The following HDAC6 variants were observed in gnomAD, a reference collection of about 807,000 sequenced individuals.
HDAC6 encodes histone deacetylase 6, also known as protein deacetylase HDAC6.
Under a neutral mutation model 88.9 loss-of-function variants are expected in HDAC6, and 5 were observed. That is an observed-to-expected ratio of 0.06 (90% CI 0.03 to 0.12). The LOEUF (loss-of-function observed/expected upper bound fraction) is 0.12, where lower values mean the gene tolerates loss of function less well. HDAC6 is among the 10% of genes least tolerant of loss of function. The pLI, the probability that HDAC6 is intolerant of heterozygous loss-of-function variation, is 1.00. For synonymous variants in HDAC6, 378 were observed against 398.0 expected, an observed-to-expected ratio of 0.95 and a Z score of 0.60; for missense variants, 706 against 1,014.4, an observed-to-expected ratio of 0.70 and a Z score of 4.13.
rs782302395 is a variant in HDAC6, at chrX:48,816,068, G to A, written c.1493+16G>A. Reference sequence around the variant, plus strand: ...TGTGGGACAGGTAGGCATTTGGAGGGCTGGATGAGTAGGTGTTGGGGGTCC... The same window carrying A: ...TGTGGGACAGGTAGGCATTTGGAGGACTGGATGAGTAGGTGTTGGGGGTCC... On this transcript the variant is annotated intron_variant, in intron 17 of 28. Coordinates refer to ENST00000334136, the MANE Select transcript of HDAC6 (RefSeq NM_006044.4). The A allele has an allele frequency of 8.3e-7, 1 of 1,210,710 alleles. No homozygotes were observed.
intron 23 of HDAC6, among the ~76,000 whole-genome samples, chrX:48,821,491 CTTTTTTTTTTTTT>C (rs869154128): frequency 1.3e-5 from 1 of 77,514 alleles, no homozygotes; most frequent in Non-Finnish European, 2.5e-5. Context: ...ATACCTGCCT[CTTTTTTTTTTTTT>C]TTTTTTTTTT....
At position 48,822,949 on chromosome X, in the gene HDAC6, G is replaced by A. The variant is rs1248574902; in HGVS notation, c.2550G>A (p.Leu850=). ...EDREGPSSSK[L]VTKKAPQPAK... ...GAGAAGGACCCTCCAGTTCTAAGTT[G>A]GTCACCAAGAAGGCACCCCAACCAG... The change falls in exon 25 of 29, where the codon TTG becomes TTA. Residue 850 remains leucine (L), a synonymous_variant. Transcript: ENST00000334136. The A allele has an allele frequency of 8.3e-7, 1 of 1,200,112 alleles. No individual in the cohort carries two copies. Among genetic ancestry groups the A allele is most frequent in the Non-Finnish European group, 1.1e-6 (1 of 890,027 alleles).
Position 48,816,703 on chromosome X carries a change from T to A in HDAC6, c.1791+70T>A. ...GAAAAAGAGAGCCATCTGCTGTTTC[T>A]GGAGGCTCTGAGAGAGTCAAGCAGG... On this transcript the variant is annotated intron_variant, in intron 19 of 28. Transcript: ENST00000334136. 5 of 929,975 alleles carry A rather than the reference T, an allele frequency of 5.4e-6. No individual in the cohort carries two copies. In the South Asian group the frequency reaches 1.3e-4, roughly 24 times the overall value. The allele number at this position is 929,975 out of a possible 1,213,427, so 76.6% of individuals were successfully genotyped here.
At position 48,824,313 on chromosome X, in the gene HDAC6, C is replaced by T. The variant is rs1557031634; in HGVS notation, c.3579+19C>T. On this transcript the variant is annotated intron_variant, in intron 28 of 28. Coordinates refer to ENST00000334136, the MANE Select transcript of HDAC6 (RefSeq NM_006044.4). Reference sequence around the variant, plus strand: ...CCACCAGGTGGGCCCTGGGTAGACCCTTCGACACGTGCACACTCACCCCCC... The same window carrying T: ...CCACCAGGTGGGCCCTGGGTAGACCTTTCGACACGTGCACACTCACCCCCC... 1 of 1,201,024 alleles carries T rather than the reference C, an allele frequency of 8.3e-7. No homozygotes were observed. The highest frequency in any genetic ancestry group is 2.2e-5 in the Admixed American group (1 of 45,418).
chrX:48,813,645 C>T (rs1285700442), intron 10 of HDAC6: 1 of 112,264 alleles, frequency 8.9e-6, no homozygotes, highest in African/African-American at 3.2e-5. Context: ...GGCTTTCTGT[C>T]AAAACACGTG....
At chrX:48,803,932 G>T (rs782763955) in intron 4 of HDAC6, among the ~76,000 whole-genome samples, 47 of 112,478 alleles carry the variant, frequency 4.2e-4, no homozygotes, top group Middle Eastern at 4.6e-3. Flanking sequence ...GGGGGCCAAG[G>T]CAGGTGGATC....
chrX:48,823,456 C>G lies in HDAC6; in HGVS notation c.3057C>G (p.Ile1019Met). ...SEEAPGGTEL[I>M]QTPLASSTDH... ...AGGCTCCAGGGGGCACCGAGCTGAT[C>G]CAAACTCCTCTAGCCTCGAGCACAG... The change falls in exon 25 of 29, where the codon ATC (isoleucine) becomes ATG (methionine). Residue 1019 changes from isoleucine (I) to methionine (M), a missense_variant. Transcript: ENST00000334136. The G allele has an allele frequency of 8.3e-6, 10 of 1,211,025 alleles. No homozygotes were observed. The highest frequency in any genetic ancestry group is 1.1e-5 in the Non-Finnish European group (10 of 895,070).
At chrX:48,824,330 TCACCCCCCACACA>T in intron 28 of HDAC6, 36 bp downstream of exon 28, 1 of 1,192,147 alleles carries the variant, frequency 8.4e-7, no homozygotes, top group South Asian at 1.9e-5. Context: ...ACGTGCACAC[TCACCCCCCACACA>T]CACACCCCTT....
At chrX:48,805,130 C>T (rs1043916535) in intron 4 of HDAC6, among the ~76,000 whole-genome samples, 2 of 111,304 alleles carry the variant, frequency 1.8e-5, no homozygotes, top group Non-Finnish European at 3.8e-5. Flanking sequence ...ATGGGAGCCT[C>T]GAAGGGACAT....
chrX:48,816,173 G>A lies in HDAC6; in HGVS notation c.1526G>A (p.Arg509Gln), dbSNP rs782264394. ...HHPEVPQRIL[R>Q]IMCRLEELGL... Reference sequence around the variant, plus strand: ...CCTGAGGTACCCCAGCGCATCTTGCGGATCATGTGCCGTCTGGAGGAGCTG... The same window carrying A: ...CCTGAGGTACCCCAGCGCATCTTGCAGATCATGTGCCGTCTGGAGGAGCTG... The change falls in exon 18 of 29, where the codon CGG (arginine) becomes CAG (glutamine). Residue 509 changes from arginine (R) to glutamine (Q), a missense_variant. Arg to Gln is a conservative substitution (Grantham distance 43). Coordinates refer to ENST00000334136, the MANE Select transcript of HDAC6 (RefSeq NM_006044.4). 7.4e-6 allele frequency: 9 copies of A among 1,211,279 alleles called. No individual in the cohort carries two copies. The highest frequency in any genetic ancestry group is 1.0e-5 in the Non-Finnish European group (9 of 895,491).
Position 48,814,757 on chromosome X carries a change from G to C in HDAC6, c.999+17G>C. On this transcript the variant is annotated intron_variant, in intron 12 of 28. Transcript: ENST00000334136. ...GCCCTCGAGGTCCTGGGGATCTGGGGTGTGTTGGGAGGAGGAGTGGCCTTG... is the reference window on the plus strand; with the variant it reads ...GCCCTCGAGGTCCTGGGGATCTGGGCTGTGTTGGGAGGAGGAGTGGCCTTG... 1.7e-6 allele frequency: 2 copies of C among 1,210,734 alleles called. No individual in the cohort carries two copies. The highest frequency in any genetic ancestry group is 2.2e-6 in the Non-Finnish European group (2 of 894,782).
intron 10 of HDAC6, chrX:48,814,223 T>C: frequency 2.4e-6 from 1 of 417,007 alleles, no homozygotes; most frequent in Non-Finnish European, 4.1e-6. Flanking sequence ...AATGAAAAAA[T>C]GGTAAGATGA....
At chrX:48,805,203 G>A (rs935471143) in intron 4 of HDAC6, among the ~76,000 whole-genome samples, 7 of 111,673 alleles carry the variant, frequency 6.3e-5, no homozygotes, top group African/African-American at 2.0e-4. Flanking sequence ...TTGAGGTGGC[G>A]AGGGTCGAAG....
chrX:48,801,946 T>C (rs187221799), upstream of HDAC6: 291 of 968,212 alleles, frequency 3.0e-4, 5 homozygotes, highest in African/African-American at 2.6e-3. Context: ...AGTGGAGCGG[T>C]GAGTACAGCG....
rs368756519 is a variant in HDAC6, at chrX:48,823,600, C to T, written c.3189+12C>T. 11 of 1,201,032 alleles carry T rather than the reference C, an allele frequency of 9.2e-6. No homozygotes were observed. Among genetic ancestry groups the T allele is most frequent in the Non-Finnish European group, 1.0e-5 (9 of 888,938 alleles). On this transcript the variant is annotated intron_variant, in intron 25 of 28. Transcript: ENST00000334136. ...GCAGCGAATCTCAGGTAAGGCTCAC[C>T]ACACCCAGGTAGGGGCAAGAAGGGG...
At chrX:48,818,166 G>C in intron 21 of HDAC6, 54 bp from the exon 22 acceptor site, 3 of 1,169,146 alleles carry the variant, frequency 2.6e-6, no homozygotes, top group Non-Finnish European at 3.4e-6. Flanking sequence ...AGCACCTCAG[G>C]GGTACTGGAG....
chrX:48,818,150 C>T (rs1329610719), intron 21 of HDAC6, 41 bp downstream of exon 21: 12 of 1,168,096 alleles, frequency 1.0e-5, no homozygotes, highest in South Asian at 3.8e-5. Context: ...ATCAGGGAGG[C>T]GGGTGAGCAC....
chrX:48,806,015 T>C (rs2062812032), intron 6 of HDAC6: 1 of 369,784 alleles, frequency 2.7e-6, no homozygotes. Context: ...GGCCTAGTGC[T>C]ATGTGGCTTG....
In HDAC6 at chrX:48,815,589, T is replaced by A; in HGVS notation, c.1271T>A (p.Val424Asp). Residue 424 changes from valine (V) to aspartate (D), a missense_variant, in exon 16 of 29, where the codon GTT becomes GAT. This residue lies in a region of HDAC6 where 106 missense variants were observed against 135.1 expected (regional missense o/e 0.78). Transcript: ENST00000334136. ...CTGCCCTGCAGTGCCCAGGCTTCAG[T>A]TTCCTGTGCTCTGGAAGCCCTTGAG... is the stretch of plus-strand genomic sequence containing the variant. ...GAPCRSAQAS[V>D]SCALEALEPF... 8.3e-7 allele frequency: 1 copy of A among 1,210,923 alleles called. No individual in the cohort carries two copies. The highest frequency in any genetic ancestry group is 1.1e-6 in the Non-Finnish European group (1 of 894,780).
Sources: allele counts gnomAD v4.1 joint callset (sites outside exome capture counted in the v4.1 genomes callset), GRCh38; gene constraint gnomAD v4.1.1; regional missense constraint gnomAD v4.1.1; transcripts MANE v1.5; gene names NCBI Gene and HGNC (gene_info 2026-07-23, HGNC 2026-07-21).